The following AGAP1 variants were observed in gnomAD, a reference collection of about 807,000 sequenced individuals.
The protein encoded by AGAP1 is ArfGAP with GTPase domain, ankyrin repeat and PH domain 1.
In AGAP1, 29 loss-of-function variants were observed where a neutral mutation model predicts 105.3. That is an observed-to-expected ratio of 0.28 (90% CI 0.21 to 0.38). The LOEUF is 0.38. Among genes scored for constraint, AGAP1 ranks in the 10% least tolerant of loss-of-function variants. The pLI is 1.00. For missense variants in AGAP1, 998 were observed against 1,165.1 expected (o/e 0.86, Z 2.09); for synonymous variants, 509 against 485.9 (o/e 1.05, Z -0.63).
intron 1 of AGAP1, among the ~76,000 whole-genome samples, chr2:235,503,453 G>T (rs1272883911): frequency 6.6e-6 from 1 of 152,152 alleles, no homozygotes; most frequent in Non-Finnish European, 1.5e-5. Flanking sequence ...GGTGTGATTG[G>T]CGGGGAACAG....
rs1020339011 is a variant in AGAP1 at position 236,053,746 on chromosome 2, T to C, written c.2114+4465T>C. Among the ~76,000 whole-genome samples, 2 of 152,258 alleles carry C rather than the reference T, an allele frequency of 1.3e-5. No homozygotes were observed. Among genetic ancestry groups the C allele is most frequent in the South Asian group, 4.1e-4 (2 of 4,836 alleles). The stretch of plus-strand genomic sequence containing the variant: ...CTTGGCGGCTTAGGAGCCTGCTGAT[T>C]TGGGCCAGGAAATCAAAGGAACCTG... On this transcript the variant is annotated intron_variant, in intron 16 of 17. Coordinates refer to ENST00000304032, the MANE Select transcript of AGAP1 (RefSeq NM_001037131.3). The surrounding 1 kb of genome is among the most constrained non-coding windows in gnomAD (Gnocchi z 4.6).
At chr2:235,524,975 TATATC>T (rs1302139720) in intron 1 of AGAP1, among the ~76,000 whole-genome samples, 1 of 152,254 alleles carries the variant, frequency 6.6e-6, no homozygotes, top group Non-Finnish European at 1.5e-5. Context: ...AGCTTTAAAA[TATATC>T]ATGTGTTCCT....
intron 9 of AGAP1, chr2:235,852,635 A>C: frequency 3.6e-6 from 5 of 1,391,938 alleles, no homozygotes; most frequent in Non-Finnish European, 4.7e-6. Flanking sequence ...CATAACCCTC[A>C]TCAGATAAAG....
chr2:235,818,738 C>T (rs984299119), intron 9 of AGAP1, among the ~76,000 whole-genome samples: 2 of 152,186 alleles, frequency 1.3e-5, no homozygotes, highest in African/African-American at 4.8e-5. Context: ...CCACCATGCC[C>T]GACTAAGGTT....
At position 235,930,703 on chromosome 2, in the gene AGAP1, C is replaced by T. The variant is rs1461028257; in HGVS notation, c.1325-62C>T. 1.3e-6 allele frequency: 2 copies of T among 1,546,232 alleles called. No individual in the cohort carries two copies. Among genetic ancestry groups the T allele is most frequent in the Admixed American group, 1.7e-5 (1 of 57,272 alleles). ...CCAGCGTGTGGGTCCCATAGACTAA[C>T]TCGCGCTGGTTTCTGTGGTCTGCAG... is the stretch of plus-strand genomic sequence containing the variant. On this transcript the variant is annotated intron_variant, in intron 11 of 17. Coordinates refer to ENST00000304032, the MANE Select transcript of AGAP1 (RefSeq NM_001037131.3). This position sits in a 1 kb window ranked among gnomAD's most constrained non-coding sequence, Gnocchi z 7.9.
intron 16 of AGAP1, among the ~76,000 whole-genome samples, chr2:236,093,492 C>G (rs1230421358): frequency 6.6e-6 from 1 of 152,022 alleles, no homozygotes; most frequent in Non-Finnish European, 1.5e-5. Flanking sequence ...CGGACAAACA[C>G]AATTGGGGGC....
At chr2:235,564,894 G>C (rs1227334569) in intron 1 of AGAP1, among the ~76,000 whole-genome samples, 5 of 140,338 alleles carry the variant, frequency 3.6e-5, no homozygotes, top group Admixed American at 2.9e-4. Context: ...GCCTGGACCA[G>C]CACCCAGAGC....
intron 1 of AGAP1, among the ~76,000 whole-genome samples, chr2:235,558,971 G>A (rs775898301): frequency 3.9e-5 from 6 of 152,036 alleles, no homozygotes; most frequent in Non-Finnish European, 5.9e-5. Context: ...GTCCTAGGCC[G>A]GAGTACGGTG....
intron 1 of AGAP1, among the ~76,000 whole-genome samples, chr2:235,698,284 C>T (rs944080437): frequency 2.1e-5 from 3 of 142,812 alleles, no homozygotes; most frequent in Admixed American, 6.9e-5. Flanking sequence ...TTTGCTTGCT[C>T]ACACGCTGCT....
At chr2:235,863,767 G>A (rs1421616984) in intron 9 of AGAP1, among the ~76,000 whole-genome samples, 1 of 152,220 alleles carries the variant, frequency 6.6e-6, no homozygotes, top group Non-Finnish European at 1.5e-5. Context: ...CTGAGGATGT[G>A]CCACCTGTGG....
chr2:235,910,707 C>A (rs1366535492), intron 11 of AGAP1, among the ~76,000 whole-genome samples: 1 of 152,182 alleles, frequency 6.6e-6, no homozygotes, highest in Non-Finnish European at 1.5e-5. Context: ...CACCTGAGGT[C>A]AGAAGTTCAA....
intron 1 of AGAP1, among the ~76,000 whole-genome samples, chr2:235,640,266 C>T (rs1370868139): frequency 6.6e-6 from 1 of 152,226 alleles, no homozygotes; most frequent in Non-Finnish European, 1.5e-5. Flanking sequence ...TCCCATCTCC[C>T]TAGCTCTGGC....
intron 8 of AGAP1, among the ~76,000 whole-genome samples, chr2:235,805,018 C>G (rs577702498): frequency 2.0e-5 from 3 of 152,268 alleles, no homozygotes; most frequent in African/African-American, 7.2e-5. Context: ...GTGTCTATGT[C>G]CATTGGATTT....
At chr2:235,558,104 C>T (rs1944029541) in intron 1 of AGAP1, among the ~76,000 whole-genome samples, 1 of 152,184 alleles carries the variant, frequency 6.6e-6, no homozygotes, top group African/African-American at 2.4e-5. Context: ...GGCTGGCGGC[C>T]TTCCCTGTGT....
rs953617177 is a variant in AGAP1 at position 235,891,243 on chromosome 2, A to G, written c.1155+7794A>G. 1.3e-5 allele frequency among the ~76,000 whole-genome samples: 2 copies of G among 152,082 alleles called. No individual in the cohort carries two copies. The highest frequency in any genetic ancestry group is 2.9e-5 in the Non-Finnish European group (2 of 68,022). On this transcript the variant is annotated intron_variant, in intron 10 of 17. Coordinates refer to ENST00000304032, the MANE Select transcript of AGAP1 (RefSeq NM_001037131.3). The surrounding 1 kb of genome is among the most constrained non-coding windows in gnomAD (Gnocchi z 4.2). The stretch of plus-strand genomic sequence containing the variant: ...TCGCATTTTGCAATGATAACCCTAA[A>G]CATTTAAATAAGACTGACACGGTCA...
intron 9 of AGAP1, among the ~76,000 whole-genome samples, chr2:235,840,732 G>A (rs1369709170): frequency 6.6e-6 from 1 of 151,904 alleles, no homozygotes; most frequent in Non-Finnish European, 1.5e-5. Flanking sequence ...CCGATGGACA[G>A]GTTGATTCGA....
At chr2:235,709,060 G>A in intron 1 of AGAP1, 119 bp from the exon 2 acceptor site, 1 of 971,768 alleles carries the variant, frequency 1.0e-6, no homozygotes, top group South Asian at 1.4e-5. Context: ...AGTGACACAG[G>A]GAGGCTTGTC....
intron 9 of AGAP1, among the ~76,000 whole-genome samples, chr2:235,817,760 G>A (rs752294990): frequency 2.6e-5 from 4 of 151,998 alleles, no homozygotes; most frequent in Non-Finnish European, 2.9e-5. Flanking sequence ...GCACGGTGGC[G>A]CATGCCTGTA....
At chr2:235,525,743 T>C (rs111880067) in intron 1 of AGAP1, among the ~76,000 whole-genome samples, 2 of 44,368 alleles carry the variant, frequency 4.5e-5, no homozygotes, top group African/African-American at 2.0e-4. Context: ...TGATACATAA[T>C]GTGGAGGACT....
Sources: allele counts gnomAD v4.1 joint callset (sites outside exome capture counted in the v4.1 genomes callset), GRCh38; gene constraint gnomAD v4.1.1; non-coding constraint Gnocchi (gnomAD v3.1); transcripts MANE v1.5; gene names NCBI Gene and HGNC (gene_info 2026-07-23, HGNC 2026-07-21).